Variants in PTPRJ observed in about 807,000 individuals in gnomAD.
PTPRJ encodes the protein receptor-type tyrosine-protein phosphatase eta.
Under a neutral mutation model 141.3 loss-of-function variants are expected in PTPRJ, and 129 were observed. The ratio of observed to expected loss-of-function variants is 0.91; its 90% CI spans 0.79 to 1.06. PTPRJ has a LOEUF of 1.06. Among genes scored for constraint, PTPRJ ranks in the 50% least tolerant of loss-of-function variants. The probability of loss-of-function intolerance (pLI) is 0.00; values close to 1 mark genes in which losing one functional copy is unlikely to be tolerated. For missense variants in PTPRJ, 1,601 were observed against 1,679.7 expected, an observed-to-expected ratio of 0.95 and a Z score of 0.82; for synonymous variants, 610 against 640.5, an observed-to-expected ratio of 0.95 and a Z score of 0.72.
At chr11:48,139,132 C>CA (rs371060380) in intron 10 of PTPRJ, among the ~76,000 whole-genome samples, 38 of 146,030 alleles carry the variant, frequency 2.6e-4, no homozygotes, top group Non-Finnish European at 4.7e-4. Flanking sequence ...GACTCCGTCT[C>CA]AAAAAAAAAA....
intron 1 of PTPRJ, chr11:48,014,426 A>T (rs1015054201): frequency 6.6e-6 from 1 of 152,208 alleles, no homozygotes; most frequent in Non-Finnish European, 1.5e-5. Flanking sequence ...TTTTAGAAGC[A>T]TCTCATGAGA....
At chr11:48,144,648 G>T in intron 12 of PTPRJ, 27 bp from the exon 13 acceptor site, 1 of 1,569,844 alleles carries the variant, frequency 6.4e-7, no homozygotes, top group South Asian at 1.1e-5. Flanking sequence ...ACTTTCTTAT[G>T]ATTCTCCTTC....
At chr11:48,090,200 C>T (rs574972255) in intron 1 of PTPRJ, among the ~76,000 whole-genome samples, 215 of 152,350 alleles carry the variant, frequency 1.4e-3, no homozygotes, top group Non-Finnish European at 2.4e-3. Context: ...CTACCCAGCA[C>T]AGCACCTGCC....
At chr11:48,111,176 A>T (rs1856429006) in intron 2 of PTPRJ, among the ~76,000 whole-genome samples, 1 of 147,108 alleles carries the variant, frequency 6.8e-6, no homozygotes, top group Non-Finnish European at 1.5e-5. Context: ...GCTACTTGGG[A>T]GGCTGAGGCA....
intron 1 of PTPRJ, among the ~76,000 whole-genome samples, chr11:48,031,286 C>T (rs1853975781): frequency 6.6e-6 from 1 of 152,146 alleles, no homozygotes; most frequent in African/African-American, 2.4e-5. Context: ...AGAATGAGCC[C>T]AGACCCTGGT....
chr11:48,139,871 T>G, intron 11 of PTPRJ, 95 bp downstream of exon 11: 2 of 1,270,830 alleles, frequency 1.6e-6, no homozygotes, highest in Non-Finnish European at 2.2e-6. Context: ...TAGAAATCTG[T>G]TTTTGTTTTT....
intron 1 of PTPRJ, among the ~76,000 whole-genome samples, chr11:48,100,121 T>C (rs1051700095): frequency 6.6e-6 from 1 of 151,864 alleles, no homozygotes; most frequent in African/African-American, 2.4e-5. Flanking sequence ...TGGGTGGAGG[T>C]GGGGTGGCTG....
chr11:48,067,343 C>T (rs72901559), intron 1 of PTPRJ, among the ~76,000 whole-genome samples: 2,531 of 152,290 alleles, frequency 0.017, 32 homozygotes, highest in Non-Finnish European at 0.022. Context: ...GCCAATGGTG[C>T]GGATGACTTC....
At position 48,159,161 on chromosome 11, in the gene PTPRJ, G is replaced by GTGTGTGTGTGTGTGTGTTTA. The variant is rs60389100; in HGVS notation, c.3439-769_3439-768insTGTGTGTGTGTGTGTGTTTA. The stretch of plus-strand genomic sequence containing the variant: ...TGTGTGTGTGTGTGTGTGTGTGTGT[G>GTGTGTGTGTGTGTGTGTTTA]GTCATTTGCCAAATGGGTATTCAGA... On this transcript the variant is annotated intron_variant, in intron 21 of 24. Transcript: ENST00000418331. Among the ~76,000 whole-genome samples, 86 of 130,634 alleles carry GTGTGTGTGTGTGTGTGTTTA rather than the reference G, an allele frequency of 6.6e-4. 2 individuals are homozygous for GTGTGTGTGTGTGTGTGTTTA. The highest frequency in any genetic ancestry group is 9.4e-4 in the Non-Finnish European group (59 of 62,914). 85.7% of individuals were successfully genotyped at this position (130,634 alleles called of 152,430 possible).
intron 10 of PTPRJ, among the ~76,000 whole-genome samples, chr11:48,139,090 G>A (rs951618535): frequency 3.9e-5 from 6 of 152,010 alleles, no homozygotes; most frequent in South Asian, 2.1e-4. Context: ...CTGAGATTGC[G>A]CCATTGCACT....
rs533442262 is a variant in PTPRJ, at chr11:48,137,256, A to C, written c.2127A>C (p.Glu709Asp). The C allele has an allele frequency of 6.2e-7, 1 of 1,614,086 alleles. No individual in the cohort carries two copies. The highest frequency in any genetic ancestry group is 1.3e-5 in the African/African-American group (1 of 75,012). ...AQVGDGIKSLEPGRKSFCTDP... is the reference protein window; with the variant it reads ...AQVGDGIKSLDPGRKSFCTDP... ...TAGGGGATGGGATCAAGTCACTGGA[A>C]CCTGGCCGGAAGTCATTCTGTACAG... The change falls in exon 10 of 25, where the codon GAA (glutamate) becomes GAC (aspartate). Residue 709 changes from glutamate (E) to aspartate (D), a missense_variant. Coordinates refer to ENST00000418331, the MANE Select transcript of PTPRJ (RefSeq NM_002843.4).
chr11:48,127,766 T>C lies in PTPRJ; in HGVS notation c.1094-14T>C, dbSNP rs1211896220. The C allele has an allele frequency of 1.9e-6, 3 of 1,612,874 alleles. No individual in the cohort carries two copies. The highest frequency in any genetic ancestry group is 2.7e-5 in the African/African-American group (2 of 74,900). On this transcript the variant is annotated splice_polypyrimidine_tract_variant and intron_variant, in intron 6 of 24. Transcript: ENST00000418331. ...CCGTTCTGGTTATTTTGAACTCCTCTTGTGTTCTCACAGATGCTATTCAGG... is the reference window on the plus strand; with the variant it reads ...CCGTTCTGGTTATTTTGAACTCCTCCTGTGTTCTCACAGATGCTATTCAGG...
At position 48,149,996 on chromosome 11, in the gene PTPRJ, A is replaced by G. The variant is rs754217008; in HGVS notation, c.3048A>G (p.Lys1016=). The G allele has an allele frequency of 3.4e-6, 5 of 1,482,882 alleles. No individual in the cohort carries two copies. The highest frequency in any genetic ancestry group is 2.8e-6 in the Non-Finnish European group (3 of 1,067,502). 91.9% of individuals were successfully genotyped at this position (1,482,882 alleles called of 1,614,324 possible). A position where few individuals can be genotyped will look rare whatever the true frequency, so the allele number is the denominator to read the frequency against. ...NEVSFSQIKP[K]KSKLIRVENF... ...TTCCCTTTCTATCATGAAGACCTAA[A>G]AAGTGAGTAATCTCTTTATTTTTTT... The change falls in exon 17 of 25, where the codon AAA becomes AAG. Residue 1016 remains lysine, a splice_region_variant and synonymous_variant. Coordinates refer to ENST00000418331, the MANE Select transcript of PTPRJ (RefSeq NM_002843.4).
intron 1 of PTPRJ, among the ~76,000 whole-genome samples, chr11:48,065,658 T>C (rs1423601376): frequency 6.6e-6 from 1 of 152,242 alleles, no homozygotes. Flanking sequence ...TGTTTATAGA[T>C]GATACCGAGG....
Position 48,067,135 on chromosome 11 carries a change from C to T in PTPRJ, c.97-42923C>T, listed in dbSNP as rs536798549. Among the ~76,000 whole-genome samples, 7 of 152,294 alleles carry T rather than the reference C, an allele frequency of 4.6e-5. 1 individual carries two copies. Among genetic ancestry groups the T allele is most frequent in the Non-Finnish European group, 8.8e-5 (6 of 68,020 alleles). On this transcript the variant is annotated intron_variant, in intron 1 of 24. Transcript: ENST00000418331. Reference sequence around the variant, plus strand: ...TAGAAGGAGTCTGTCCCCAACCCCGCCCCTTCCTTTTTTCTCTCCTCTGGA... The same window carrying T: ...TAGAAGGAGTCTGTCCCCAACCCCGTCCCTTCCTTTTTTCTCTCCTCTGGA...
At chr11:48,107,945 A>G (rs1266430407) in intron 1 of PTPRJ, among the ~76,000 whole-genome samples, 1 of 152,168 alleles carries the variant, frequency 6.6e-6, no homozygotes, top group Non-Finnish European at 1.5e-5. Flanking sequence ...TTAGCTGGGC[A>G]TGGTGGTGCA....
intron 1 of PTPRJ, among the ~76,000 whole-genome samples, chr11:48,001,392 G>T (rs1854496441): frequency 6.8e-6 from 1 of 147,578 alleles, no homozygotes; most frequent in Admixed American, 6.7e-5. Flanking sequence ...GTGTGTGTGT[G>T]TTTGGGGTGG....
chr11:48,035,538 CTTTTTTTTTT>C (rs66504227), intron 1 of PTPRJ, among the ~76,000 whole-genome samples: 10 of 61,748 alleles, frequency 1.6e-4, no homozygotes, highest in African/African-American at 2.9e-4. Context: ...CTTTCTTCTT[CTTTTTTTTTT>C]TTTTTTTTTT....
intron 1 of PTPRJ, among the ~76,000 whole-genome samples, chr11:48,007,276 A>AT (rs36058449): frequency 4.4e-4 from 60 of 137,814 alleles, no homozygotes; most frequent in East Asian, 9.0e-4. Context: ...AATTTTTTGT[A>AT]TTTTTTTTTT....
Sources: allele counts gnomAD v4.1 joint callset (sites outside exome capture counted in the v4.1 genomes callset), GRCh38; gene constraint gnomAD v4.1.1; transcripts MANE v1.5; gene names NCBI Gene and HGNC (gene_info 2026-07-23, HGNC 2026-07-21).